The following ZNF804B variants were observed in gnomAD, a reference collection of about 807,000 sequenced individuals.
ZNF804B encodes zinc finger 804B.
In ZNF804B, 80 loss-of-function variants were observed where a neutral mutation model predicts 101.4. That is an observed-to-expected ratio of 0.79 (90% CI 0.66 to 0.95). The LOEUF (loss-of-function observed/expected upper bound fraction) is 0.95. Ranked by LOEUF, ZNF804B falls within the 40% of genes least tolerant of loss-of-function variation. The pLI is 0.00. For missense variants in ZNF804B, 1,673 were observed against 1,561.9 expected (o/e 1.07, Z -1.20); for synonymous variants, 622 against 558.8 (o/e 1.11, Z -1.59).
At chr7:88,924,281 A>G (rs553751266) in intron 1 of ZNF804B, among the ~76,000 whole-genome samples, 1 of 152,046 alleles carries the variant, frequency 6.6e-6, no homozygotes, top group Non-Finnish European at 1.5e-5. Flanking sequence ...TAAAAAATCT[A>G]TCATATCTAA....
intron 2 of ZNF804B, among the ~76,000 whole-genome samples, chr7:89,279,221 A>T (rs1790039916): frequency 6.6e-6 from 1 of 152,042 alleles, no homozygotes; most frequent in South Asian, 2.1e-4. Flanking sequence ...GACTTTGCTG[A>T]AGTTGCTTAT....
Position 88,854,418 on chromosome 7 carries a change from T to TCTTTCTTTCTTTCTTC in ZNF804B, c.108+94349_108+94350insCCTTTCTTTCTTTCTT, listed in dbSNP as rs1791504163. 1.1e-4 allele frequency among the ~76,000 whole-genome samples: 9 copies of TCTTTCTTTCTTTCTTC among 85,236 alleles called. No individual in the cohort carries two copies. The South Asian group carries it at 1.3e-3, about 12-fold the overall frequency. The allele number at this position is 85,236 out of a possible 152,430, so 55.9% of individuals were successfully genotyped here. A position where few individuals can be genotyped will look rare whatever the true frequency, so the allele number is the denominator to read the frequency against. On this transcript the variant is annotated intron_variant, in intron 1 of 3. Transcript: ENST00000333190. ...TTCTTTCTTTCTTTCTTTCTTCCTT[T>TCTTTCTTTCTTTCTTC]CTTTCTTTCTTTCTTTCTTTCTTTC...
chr7:88,842,432 T>C (rs544801215), intron 1 of ZNF804B, among the ~76,000 whole-genome samples: 18 of 152,310 alleles, frequency 1.2e-4, no homozygotes, highest in Admixed American at 4.6e-4. Context: ...CCATTATTAA[T>C]AAAACTTTGC....
intron 1 of ZNF804B, among the ~76,000 whole-genome samples, chr7:89,063,278 A>T (rs1789404568): frequency 6.6e-6 from 1 of 152,158 alleles, no homozygotes; most frequent in African/African-American, 2.4e-5. Context: ...TGCATGTCTG[A>T]TGCTGTGCAA....
intron 1 of ZNF804B, among the ~76,000 whole-genome samples, chr7:88,856,745 G>C (rs909552010): frequency 2.0e-5 from 3 of 152,086 alleles, no homozygotes; most frequent in Admixed American, 6.6e-5. Flanking sequence ...CTGTGGGTTT[G>C]TCATAGATAG....
intron 2 of ZNF804B, among the ~76,000 whole-genome samples, chr7:89,234,955 C>T (rs557897216): frequency 2.0e-5 from 3 of 152,190 alleles, no homozygotes; most frequent in South Asian, 4.1e-4. Flanking sequence ...CCTAATAAAC[C>T]CTCTCTCTTA....
At chr7:89,296,048 T>C (rs767764582) in intron 2 of ZNF804B, among the ~76,000 whole-genome samples, 7 of 152,082 alleles carry the variant, frequency 4.6e-5, no homozygotes, top group Non-Finnish European at 8.8e-5. Context: ...TTAGATACAA[T>C]GTGCACTACT....
intron 2 of ZNF804B, among the ~76,000 whole-genome samples, chr7:89,232,114 G>T (rs879265437): frequency 2.0e-5 from 3 of 151,990 alleles, no homozygotes; most frequent in Non-Finnish European, 2.9e-5. Context: ...TTGAGAGGGT[G>T]TTTTATTTAT....
chr7:88,952,668 A>T (rs946782446), intron 1 of ZNF804B, among the ~76,000 whole-genome samples: 8 of 151,800 alleles, frequency 5.3e-5, no homozygotes, highest in Non-Finnish European at 1.0e-4. Flanking sequence ...TTCATGCCAG[A>T]AAACTTGGAA....
chr7:88,875,437 A>G (rs1157858578), intron 1 of ZNF804B, among the ~76,000 whole-genome samples: 1 of 152,218 alleles, frequency 6.6e-6, no homozygotes, highest in Non-Finnish European at 1.5e-5. Context: ...AAAAAAAGAG[A>G]GAAGAATCAA....
chr7:89,035,619 T>G (rs993048652), intron 1 of ZNF804B, among the ~76,000 whole-genome samples: 2 of 151,874 alleles, frequency 1.3e-5, no homozygotes, highest in African/African-American at 4.8e-5. Context: ...TCAGTGTTTC[T>G]TATCATGGAG....
At chr7:89,304,733 C>A (rs1003317038) in intron 2 of ZNF804B, among the ~76,000 whole-genome samples, 1 of 151,878 alleles carries the variant, frequency 6.6e-6, no homozygotes, top group African/African-American at 2.4e-5. Flanking sequence ...GTGTCAGTCC[C>A]AGAGACTTAG....
At chr7:89,082,377 G>A (rs1259959544) in intron 1 of ZNF804B, among the ~76,000 whole-genome samples, 1 of 151,316 alleles carries the variant, frequency 6.6e-6, no homozygotes, top group Non-Finnish European at 1.5e-5. Flanking sequence ...TGATATATTA[G>A]TGTTTTTTTA....
Position 89,335,880 on chromosome 7 carries a change from A to G in ZNF804B, c.2898A>G (p.Gln966=), listed in dbSNP as rs368234059. ...EAPSQVPCTI[Q]LAPSGCNRQA... is the part of the protein sequence containing the mutation. ...CTTCGCAAGTCCCATGCACAATTCA[A>G]CTTGCACCATCAGGCTGTAACAGAC... Residue 966 remains glutamine (Q), a synonymous_variant, in exon 4 of 4, where the codon CAA becomes CAG. Coordinates refer to ENST00000333190, the MANE Select transcript of ZNF804B (RefSeq NM_181646.5). 3 of 1,614,006 alleles carry G rather than the reference A, an allele frequency of 1.9e-6. No homozygotes were observed. Among genetic ancestry groups the G allele is most frequent in the East Asian group, 2.2e-5 (1 of 44,888 alleles).
intron 1 of ZNF804B, among the ~76,000 whole-genome samples, chr7:89,160,060 ATAGACT>A (rs1482171366): frequency 6.6e-6 from 1 of 152,188 alleles, no homozygotes; most frequent in Non-Finnish European, 1.5e-5. Flanking sequence ...CTTAATCTTG[ATAGACT>A]TGAACAATAG....
In ZNF804B at chr7:89,118,465, G is replaced by A. The variant is rs934942752; in HGVS notation, c.109-99690G>A. On this transcript the variant is annotated intron_variant, in intron 1 of 3. Coordinates refer to ENST00000333190, the MANE Select transcript of ZNF804B (RefSeq NM_181646.5). ...TCAAAATCCATCTTCTTTTAGAAAT[G>A]ACAGGGAAAATGTCATTCAACAGAC... Among the ~76,000 whole-genome samples the A allele has an allele frequency of 2.0e-5, 3 of 152,014 alleles. No homozygotes were observed. The East Asian group carries it at 5.8e-4, about 29-fold the overall frequency.
intron 1 of ZNF804B, among the ~76,000 whole-genome samples, chr7:88,842,186 G>T (rs1261535767): frequency 2.0e-5 from 3 of 152,040 alleles, no homozygotes; most frequent in Admixed American, 6.6e-5. Flanking sequence ...TTTCCCTAAG[G>T]TTGTCTTAAT....
intron 2 of ZNF804B, among the ~76,000 whole-genome samples, chr7:89,295,244 G>T (rs964810879): frequency 2.0e-5 from 3 of 152,068 alleles, no homozygotes; most frequent in African/African-American, 7.2e-5. Context: ...TCTGGTCTCA[G>T]TGCGTGCACC....
intron 1 of ZNF804B, among the ~76,000 whole-genome samples, chr7:88,887,699 C>T (rs1293967813): frequency 2.0e-5 from 3 of 151,882 alleles, no homozygotes; most frequent in African/African-American, 7.3e-5. Flanking sequence ...TTATATTATG[C>T]CCAGCTTATG....
Sources: allele counts gnomAD v4.1 joint callset (sites outside exome capture counted in the v4.1 genomes callset), GRCh38; gene constraint gnomAD v4.1.1; transcripts MANE v1.5; gene names NCBI Gene and HGNC (gene_info 2026-07-23, HGNC 2026-07-21).